Variants in MPRIP observed in about 807,000 individuals in gnomAD.
The protein encoded by MPRIP is myosin phosphatase Rho-interacting protein.
MPRIP carries 59 observed loss-of-function variants against 234.9 expected under a neutral mutation model. The ratio of observed to expected loss-of-function variants is 0.25; its 90% CI spans 0.20 to 0.31. The LOEUF is 0.31. Ranked by LOEUF, MPRIP falls within the 10% of genes least tolerant of loss-of-function variation. The pLI is 1.00. For missense variants in MPRIP, 2,436 were observed against 3,071.0 expected (o/e 0.79, Z 4.89); for synonymous variants, 1,144 against 1,263.9 (o/e 0.91, Z 2.01).
chr17:17,085,728 C>T (rs775559931), intron 3 of MPRIP, among the ~76,000 whole-genome samples: 8 of 152,158 alleles, frequency 5.3e-5, no homozygotes, highest in South Asian at 2.1e-4. Context: ...CTAGCTAACA[C>T]GGTGAAACCC....
chr17:17,082,819 G>C (rs1259941924), intron 3 of MPRIP, among the ~76,000 whole-genome samples: 1 of 152,182 alleles, frequency 6.6e-6, no homozygotes, highest in Non-Finnish European at 1.5e-5. Flanking sequence ...CTGTCTCTAT[G>C]AATTTGACTC....
chr17:17,182,974 C>G (rs1456845437), intron 23 of MPRIP: 1 of 152,472 alleles, frequency 6.6e-6, no homozygotes, highest in East Asian at 1.9e-4. Flanking sequence ...GACCAGATGT[C>G]TACCCAGGTC....
chr17:17,134,258 C>T (rs964872838), intron 5 of MPRIP, among the ~76,000 whole-genome samples: 2 of 152,220 alleles, frequency 1.3e-5, no homozygotes, highest in African/African-American at 2.4e-5. Context: ...CCCTGCTTGG[C>T]AAGCAAGGCT....
At chr17:17,143,122 C>A (rs960536036) in intron 8 of MPRIP, among the ~76,000 whole-genome samples, 8 of 152,336 alleles carry the variant, frequency 5.3e-5, no homozygotes, top group African/African-American at 1.9e-4. Context: ...AAGGTAGACT[C>A]GGCTTCTGAA....
chr17:17,045,008 T>C (rs1194503086), intron 1 of MPRIP, among the ~76,000 whole-genome samples: 1 of 152,298 alleles, frequency 6.6e-6, no homozygotes, highest in Middle Eastern at 3.4e-3. Flanking sequence ...GCCAACAGCC[T>C]TCTCTGCTGC....
At chr17:17,115,778 G>A (rs1428584713) in intron 3 of MPRIP, among the ~76,000 whole-genome samples, 1 of 151,730 alleles carries the variant, frequency 6.6e-6, no homozygotes, top group African/African-American at 2.4e-5. Flanking sequence ...TTTACCATCT[G>A]CTGGTTGCAG....
At chr17:17,153,241 C>T (rs1351879857) in intron 12 of MPRIP, among the ~76,000 whole-genome samples, 1 of 152,124 alleles carries the variant, frequency 6.6e-6, no homozygotes, top group Non-Finnish European at 1.5e-5. Context: ...CAGGCCGGTG[C>T]GTGATCTCCT....
chr17:17,097,919 G>C (rs1567712935), intron 3 of MPRIP, among the ~76,000 whole-genome samples: 1 of 152,170 alleles, frequency 6.6e-6, no homozygotes, highest in Admixed American at 6.5e-5. Context: ...TTTGAGAACC[G>C]AGGTAGCCTG....
At position 17,126,747 on chromosome 17, in the gene MPRIP, G is replaced by C; in HGVS notation, c.313G>C (p.Asp105His). The C allele has an allele frequency of 6.2e-7, 1 of 1,614,162 alleles. No homozygotes were observed. ...CACCATCAACATGAACCAGTGCACA[G>C]ATGTGGTGGATGGGGAGGGCCGCAC... ...QGTINMNQCTDVVDGEGRTGQ... is the reference protein window; with the variant it reads ...QGTINMNQCTHVVDGEGRTGQ... The change falls in exon 4 of 24, where the codon GAT (aspartate) becomes CAT (histidine). Residue 105 changes from aspartate (D) to histidine (H), a missense_variant. Asp to His is a moderately conservative substitution (Grantham distance 81, BLOSUM62 -1). Transcript: ENST00000651222.
chr17:17,167,558 GCAT>G lies in MPRIP; in HGVS notation c.5971_5973del (p.His1991del). ...TCAGAGACAGGCAGGACATGGAGAG[GCAT>G]CATGGTGAGCAGATACAGACCCTGG... On this transcript the variant is annotated inframe_deletion, in exon 16 of 24. Transcript: ENST00000651222. The surrounding 1 kb of genome is among the most constrained non-coding windows in gnomAD (Gnocchi z 5.9). The G allele has an allele frequency of 1.0e-5, 13 of 1,304,250 alleles. No homozygotes were observed. The highest frequency in any genetic ancestry group is 1.3e-5 in the Non-Finnish European group (13 of 988,954). The allele number at this position is 1,304,250 out of a possible 1,614,324, so 80.8% of individuals were successfully genotyped here.
chr17:17,063,093 G>T lies in MPRIP; in HGVS notation c.124-12617G>T, dbSNP rs370119651. 8.5e-5 allele frequency among the ~76,000 whole-genome samples: 13 copies of T among 152,376 alleles called. No individual in the cohort carries two copies. In the East Asian group the frequency reaches 2.1e-3, roughly 25 times the overall value. ...CAGTGCTGATCGTCCCTCACTCCTG[G>T]GTGCTGACCAGCGTTGTCCTAGTGA... On this transcript the variant is annotated intron_variant, in intron 1 of 23. Coordinates refer to ENST00000651222, the MANE Select transcript of MPRIP (RefSeq NM_001364716.4).
chr17:17,185,568 C>A lies in MPRIP; in HGVS notation c.*674C>A. ...ATTAAATCTTGCACAAAATCCCCGG[C>A]CCCTCTCCTTCCTTCCTTCCTTCCT... On this transcript the variant is annotated 3_prime_UTR_variant, in exon 24 of 24. Transcript: ENST00000651222. 1 of 450,438 alleles carries A rather than the reference C, an allele frequency of 2.2e-6. No individual in the cohort carries two copies. Among genetic ancestry groups the A allele is most frequent in the Non-Finnish European group, 4.4e-6 (1 of 225,942 alleles). 27.9% of individuals were successfully genotyped at this position (450,438 alleles called of 1,614,324 possible). A position where few individuals can be genotyped will look rare whatever the true frequency, so the allele number is the denominator to read the frequency against.
chr17:17,115,678 G>A (rs1028253047), intron 3 of MPRIP, among the ~76,000 whole-genome samples: 9 of 152,182 alleles, frequency 5.9e-5, no homozygotes, highest in African/African-American at 9.6e-5. Flanking sequence ...AGCTGCCACC[G>A]CCACTCCTCC....
chr17:17,147,250 C>T (rs1222789121), intron 10 of MPRIP, 69 bp from the exon 11 acceptor site: 13 of 1,483,506 alleles, frequency 8.8e-6, no homozygotes, highest in Admixed American at 5.0e-5. Flanking sequence ...GGCTGCGCAC[C>T]GCCGTGGCGT....
rs779116299 is a variant in MPRIP, at chr17:17,138,089, G to A, written c.910G>A (p.Glu304Lys). 14 of 1,427,906 alleles carry A rather than the reference G, an allele frequency of 9.8e-6. No homozygotes were observed. The highest frequency in any genetic ancestry group is 1.2e-5 in the South Asian group (1 of 81,256). 88.5% of individuals were successfully genotyped at this position (1,427,906 alleles called of 1,614,324 possible). A position where few individuals can be genotyped will look rare whatever the true frequency, so the allele number is the denominator to read the frequency against. The change falls in exon 7 of 24, where the codon GAG becomes AAG. Residue 304 changes from glutamate to lysine, a missense_variant. Around this residue, in one of 4 missense-constraint regions of MPRIP, gnomAD observed 267 missense variants for 252.7 expected, o/e 1.06. Coordinates refer to ENST00000651222, the MANE Select transcript of MPRIP (RefSeq NM_001364716.4). The surrounding 1 kb of genome is among the most constrained non-coding windows in gnomAD (Gnocchi z 5.8). ...STPNHRYSCPESPSQELGGPL... is the reference protein window; with the variant it reads ...STPNHRYSCPKSPSQELGGPL... ...CCCCAACCACAGGTACAGTTGCCCC[G>A]AGTCGCCCTCCCAGGAGCTCGGTGG... is the stretch of plus-strand genomic sequence containing the variant.
Position 17,042,752 on chromosome 17 carries a change from G to T in MPRIP, c.-97G>T. 2.2e-5 allele frequency: 18 copies of T among 827,870 alleles called. No homozygotes were observed. The highest frequency in any genetic ancestry group is 2.2e-5 in the Non-Finnish European group (17 of 756,478). 51.3% of individuals were successfully genotyped at this position (827,870 alleles called of 1,614,324 possible). A position where few individuals can be genotyped will look rare whatever the true frequency, so the allele number is the denominator to read the frequency against. On this transcript the variant is annotated 5_prime_UTR_variant, in exon 1 of 24. Transcript: ENST00000651222. ...CGGGCCTGCGGCGGGGCCGGCGAGG[G>T]ATGCGGCGCGGCCGCGCTGAGCCCC...
chr17:17,083,987 C>T (rs560388597), intron 3 of MPRIP, among the ~76,000 whole-genome samples: 6 of 152,328 alleles, frequency 3.9e-5, no homozygotes, highest in East Asian at 3.9e-4. Flanking sequence ...GTGATCCGCC[C>T]GCCTCGGCCT....
chr17:17,110,441 G>A (rs111719931), intron 3 of MPRIP, among the ~76,000 whole-genome samples: 18 of 152,268 alleles, frequency 1.2e-4, no homozygotes, highest in African/African-American at 4.3e-4. Flanking sequence ...TAAATAAATG[G>A]GAGAGAAGAA....
In MPRIP at chr17:17,143,549, G is replaced by A. The variant is rs748684406; in HGVS notation, c.1390-7G>A. The A allele has an allele frequency of 1.3e-6, 2 of 1,583,098 alleles. No homozygotes were observed. The highest frequency in any genetic ancestry group is 1.7e-5 in the Admixed American group (1 of 57,306). On this transcript the variant is annotated splice_polypyrimidine_tract_variant and splice_region_variant and intron_variant, in intron 8 of 23. Transcript: ENST00000651222. ...CTGCACTGACCAGCGGCTGCTCTCT[G>A]CCACAGGACTTCACCAATGAAGCCC...
Sources: gnomAD v4.1 joint callset for allele counts (sites outside exome capture counted in the v4.1 genomes callset) on GRCh38, gnomAD v4.1.1 for gene constraint, gnomAD v4.1.1 regional missense constraint, Gnocchi (gnomAD v3.1) non-coding constraint, MANE v1.5 for transcripts, NCBI Gene and HGNC (gene_info 2026-07-23, HGNC 2026-07-21) for gene names.